Variants in LAMA4 observed in about 807,000 individuals in gnomAD.
LAMA4 encodes the protein laminin subunit alpha 4, also known as laminin subunit alpha-4.
In LAMA4, 127 loss-of-function variants were observed where a neutral mutation model predicts 207.1. The observed-to-expected ratio is 0.61, with a 90% CI of 0.53 to 0.71. LAMA4 has a LOEUF of 0.71. Ranked by LOEUF, LAMA4 falls within the 30% of genes least tolerant of loss-of-function variation. The probability of loss-of-function intolerance (pLI) is 0.00; values close to 1 mark genes in which losing one functional copy is unlikely to be tolerated. For missense variants in LAMA4, 2,093 were observed against 2,246.5 expected (o/e 0.93, Z 1.38); for synonymous variants, 761 against 816.0 (o/e 0.93, Z 1.15).
intron 30 of LAMA4, 52 bp downstream of exon 30, chr6:112,129,824 C>T: frequency 7.3e-7 from 1 of 1,377,304 alleles, no homozygotes; most frequent in Non-Finnish European, 1.0e-6. Context: ...TTGCTGTTGT[C>T]TTGATTTTAT....
intron 2 of LAMA4, chr6:112,219,542 T>C (rs1784812768): frequency 6.6e-6 from 1 of 152,176 alleles, no homozygotes; most frequent in African/African-American, 2.4e-5. Flanking sequence ...TGGGGTGCCA[T>C]GGCCTTTTTA....
chr6:112,205,208 G>A lies in LAMA4; in HGVS notation c.422+1813C>T, dbSNP rs576727153. Among the ~76,000 whole-genome samples, 39 of 152,282 alleles carry A rather than the reference G, an allele frequency of 2.6e-4. 1 individual carries two copies. In the South Asian group the frequency reaches 7.3e-3, roughly 28 times the overall value. On this transcript the variant is annotated intron_variant, in intron 4 of 38. Transcript: ENST00000230538. Reference sequence around the variant, plus strand: ...GGCATAGAGTAAGAAAAATCCAAGTGTTAGAAAAAATATAGCGGTATGTGT... The same window carrying A: ...GGCATAGAGTAAGAAAAATCCAAGTATTAGAAAAAATATAGCGGTATGTGT...
chr6:112,133,249 G>A (rs1288206966), intron 27 of LAMA4, 100 bp downstream of exon 27: 18 of 1,288,616 alleles, frequency 1.4e-5, no homozygotes, highest in Non-Finnish European at 1.8e-5. Flanking sequence ...GGAACCCAAG[G>A]TGTACCTAGG....
At chr6:112,142,407 T>A in intron 19 of LAMA4, 115 bp from the exon 20 acceptor site, 1 of 919,116 alleles carries the variant, frequency 1.1e-6, no homozygotes, top group Non-Finnish European at 1.8e-6. Flanking sequence ...TCCATACCTG[T>A]AGTTATTTAC....
Position 112,148,185 on chromosome 6 carries a change from G to A in LAMA4, c.2325C>T (p.Asn775=). The A allele has an allele frequency of 6.2e-7, 1 of 1,614,158 alleles. No homozygotes were observed. The highest frequency in any genetic ancestry group is 1.1e-5 in the South Asian group (1 of 91,086). Reference sequence around the variant, plus strand: ...CATCCCTAGCAGAGTTCACTGCAGTGTTGTAAGCAGAAGAGTCAAAATGTT... The same window carrying A: ...CATCCCTAGCAGAGTTCACTGCAGTATTGTAAGCAGAAGAGTCAAAATGTT... The part of the protein sequence containing the change: ...NLQHFDSSAY[N]TAVNSARDAV... The change falls in exon 18 of 39, where the codon AAC becomes AAT. Residue 775 remains asparagine (N), a synonymous_variant. Transcript: ENST00000230538.
intron 6 of LAMA4, among the ~76,000 whole-genome samples, chr6:112,189,781 A>T (rs1782910189): frequency 6.6e-6 from 1 of 152,198 alleles, no homozygotes; most frequent in Non-Finnish European, 1.5e-5. Context: ...TGCTGCAAGG[A>T]ATCAGGAACA....
chr6:112,136,052 T>C (rs952668102), intron 25 of LAMA4, 71 bp downstream of exon 25: 8 of 1,395,518 alleles, frequency 5.7e-6, no homozygotes, highest in Admixed American at 5.0e-5. Flanking sequence ...CTCATTTGAC[T>C]GCCTGATTAG....
chr6:112,172,818 G>A lies in LAMA4; in HGVS notation c.1358-14C>T. The A allele has an allele frequency of 6.2e-7, 1 of 1,610,720 alleles. No homozygotes were observed. The highest frequency in any genetic ancestry group is 8.5e-7 in the Non-Finnish European group (1 of 1,177,312). On this transcript the variant is annotated splice_polypyrimidine_tract_variant and intron_variant, in intron 11 of 38. Coordinates refer to ENST00000230538, the MANE Select transcript of LAMA4 (RefSeq NM_001105206.3). ...CCTGGCTCAGTACTGGGAAGAAATGGAGATAAAGGCTCAGTGTGGCTTTCT... is the reference window on the plus strand; with the variant it reads ...CCTGGCTCAGTACTGGGAAGAAATGAAGATAAAGGCTCAGTGTGGCTTTCT...
rs1783138843 is a variant in LAMA4, at chr6:112,191,832, A to G, written c.522T>C (p.Tyr174=). ...PNCERCAPGY[Y]GNPLLIGSTC... is the part of the protein sequence containing the mutation. ...TGCTTCCAATGAGTAAGGGGTTTCCATAGTAACCGGGAGCACATCTGAAGA... is the reference window on the plus strand; with the variant it reads ...TGCTTCCAATGAGTAAGGGGTTTCCGTAGTAACCGGGAGCACATCTGAAGA... The change falls in exon 6 of 39, where the codon TAT becomes TAC. Residue 174 remains tyrosine, a synonymous_variant. Coordinates refer to ENST00000230538, the MANE Select transcript of LAMA4 (RefSeq NM_001105206.3). The G allele has an allele frequency of 2.5e-6, 4 of 1,613,772 alleles. No individual in the cohort carries two copies. The highest frequency in any genetic ancestry group is 3.4e-6 in the Non-Finnish European group (4 of 1,179,722).
chr6:112,190,483 T>C (rs1782952286), intron 6 of LAMA4, among the ~76,000 whole-genome samples: 1 of 152,250 alleles, frequency 6.6e-6, no homozygotes, highest in African/African-American at 2.4e-5. Flanking sequence ...GAATTCCTTA[T>C]AGAGGCATGC....
At chr6:112,122,261 G>A (rs1778408485) in intron 31 of LAMA4, 60 bp from the exon 32 acceptor site, 1 of 1,224,742 alleles carries the variant, frequency 8.2e-7, no homozygotes, top group South Asian at 1.2e-5. Context: ...AAAGTAATTT[G>A]TGATGTCCTC....
chr6:112,185,570 G>A (rs1290230608), intron 8 of LAMA4, among the ~76,000 whole-genome samples: 1 of 152,142 alleles, frequency 6.6e-6, no homozygotes, highest in Non-Finnish European at 1.5e-5. Context: ...CACTAGACCA[G>A]GGATGCTGGT....
intron 5 of LAMA4, among the ~76,000 whole-genome samples, chr6:112,193,700 C>A (rs1783250813): frequency 6.6e-6 from 1 of 152,146 alleles, no homozygotes; most frequent in African/African-American, 2.4e-5. Context: ...ACAGGCCTGG[C>A]ATTCTGGGAG....
At chr6:112,205,046 T>C (rs552853508) in intron 4 of LAMA4, among the ~76,000 whole-genome samples, 112 of 152,298 alleles carry the variant, frequency 7.4e-4, no homozygotes, top group African/African-American at 2.4e-3. Flanking sequence ...TGTTTATCAG[T>C]AAGTGTGTGA....
chr6:112,158,726 T>C lies in LAMA4; in HGVS notation c.1817+6A>G. The C allele has an allele frequency of 6.2e-7, 1 of 1,612,618 alleles. No individual in the cohort carries two copies. On this transcript the variant is annotated splice_donor_region_variant and intron_variant, in intron 14 of 38. Coordinates refer to ENST00000230538, the MANE Select transcript of LAMA4 (RefSeq NM_001105206.3). ...GATATTTGCATTTCTAAAACCAGGA[T>C]ATTACCTGCTCAATTCATTAGCTTC...
chr6:112,188,980 C>G, intron 7 of LAMA4, 130 bp downstream of exon 7: 1 of 704,102 alleles, frequency 1.4e-6, no homozygotes, highest in East Asian at 2.7e-5. Context: ...TGCTGAGGTG[C>G]AGAAAGGGTT....
chr6:112,194,397 T>C (rs1783292969), intron 5 of LAMA4, among the ~76,000 whole-genome samples: 1 of 152,210 alleles, frequency 6.6e-6, no homozygotes. Flanking sequence ...ACTCAAATTT[T>C]CTATTCTGTA....
At chr6:112,172,861 C>G in intron 11 of LAMA4, 57 bp from the exon 12 acceptor site, 1 of 1,482,696 alleles carries the variant, frequency 6.7e-7, no homozygotes, top group Non-Finnish European at 9.4e-7. Flanking sequence ...GCTTCCATTC[C>G]TCCCAGCATT....
At chr6:112,141,290 A>C in intron 21 of LAMA4, 68 bp downstream of exon 21, 1 of 1,371,420 alleles carries the variant, frequency 7.3e-7, no homozygotes, top group Non-Finnish European at 1.0e-6. Flanking sequence ...GTGTGCACGC[A>C]CATGTGCACG....
Sources: gnomAD v4.1 joint callset for allele counts (sites outside exome capture counted in the v4.1 genomes callset) on GRCh38, gnomAD v4.1.1 for gene constraint, MANE v1.5 for transcripts, NCBI Gene and HGNC (gene_info 2026-07-23, HGNC 2026-07-21) for gene names.